INPP4B: variants seen among roughly 807,000 people sequenced by gnomAD.
INPP4B encodes inositol polyphosphate-4-phosphatase type II B.
INPP4B carries 55 observed loss-of-function variants against 122.5 expected under a neutral mutation model. The observed-to-expected ratio is 0.45, with a 90% CI of 0.36 to 0.56. The LOEUF is 0.56. Ranked by LOEUF, INPP4B falls within the 20% of genes least tolerant of loss-of-function variation. The pLI, the probability that INPP4B is intolerant of heterozygous loss-of-function variation, is 0.00. For synonymous variants in INPP4B, 403 were observed against 388.7 expected, an observed-to-expected ratio of 1.04 and a Z score of -0.43; for missense variants, 1,000 against 1,097.7, an observed-to-expected ratio of 0.91 and a Z score of 1.26.
At position 142,097,225 on chromosome 4, in the gene INPP4B, T is replaced by TGTTATTTTATTTTATTTTATTTTA. The variant is rs1553969027; in HGVS notation, c.2374+10867_2374+10868insTAAAATAAAATAAAATAAAATAAC. ...TCCATTTTTTGTTTATTTTATGTTA[T>TGTTATTTTATTTTATTTTATTTTA]TTTTATTTTATTTTATTTTATTTTA... On this transcript the variant is annotated intron_variant, in intron 23 of 25. Coordinates refer to ENST00000262992, the MANE Select transcript of INPP4B (RefSeq NM_001101669.3). Among the ~76,000 whole-genome samples, 639 of 135,542 alleles carry TGTTATTTTATTTTATTTTATTTTA rather than the reference T, an allele frequency of 4.7e-3. 15 individuals are homozygous for TGTTATTTTATTTTATTTTATTTTA. Among genetic ancestry groups the TGTTATTTTATTTTATTTTATTTTA allele is most frequent in the African/African-American group, 0.017 (614 of 35,276 alleles). The allele number at this position is 135,542 out of a possible 152,430, so 88.9% of individuals were successfully genotyped here.
At chr4:142,382,658 T>A (rs1258574740) in intron 7 of INPP4B, among the ~76,000 whole-genome samples, 1 of 101,506 alleles carries the variant, frequency 9.9e-6, no homozygotes. Flanking sequence ...TATATATATT[T>A]ATATATATAT....
intron 8 of INPP4B, among the ~76,000 whole-genome samples, chr4:142,306,975 C>A (rs1174607634): frequency 6.6e-6 from 1 of 152,136 alleles, no homozygotes; most frequent in Non-Finnish European, 1.5e-5. Flanking sequence ...AATTAATTGA[C>A]TTAAAATTCA....
chr4:142,078,410 A>T (rs1772014583), intron 25 of INPP4B, among the ~76,000 whole-genome samples: 1 of 152,064 alleles, frequency 6.6e-6, no homozygotes, highest in Non-Finnish European at 1.5e-5. Context: ...TATGCACAAT[A>T]CCACCAAATA....
At chr4:142,601,680 CA>C (rs1251606417) in intron 2 of INPP4B, among the ~76,000 whole-genome samples, 1 of 151,126 alleles carries the variant, frequency 6.6e-6, no homozygotes, top group Non-Finnish European at 1.5e-5. Context: ...TCCAAATTAG[CA>C]AAAGATAGCT....
At chr4:142,835,834 T>G (rs921048701) in intron 1 of INPP4B, among the ~76,000 whole-genome samples, 1 of 152,180 alleles carries the variant, frequency 6.6e-6, no homozygotes, top group Non-Finnish European at 1.5e-5. Context: ...AGAGCAGAGT[T>G]GTGGCCTAGA....
chr4:142,430,083 T>C (rs956952860), intron 4 of INPP4B, among the ~76,000 whole-genome samples: 4 of 152,150 alleles, frequency 2.6e-5, no homozygotes, highest in East Asian at 1.9e-4. Context: ...TTATTTTTGC[T>C]GGTGCATTCA....
chr4:142,595,720 G>A (rs1438140334), intron 2 of INPP4B, among the ~76,000 whole-genome samples: 1 of 152,176 alleles, frequency 6.6e-6, no homozygotes, highest in African/African-American at 2.4e-5. Flanking sequence ...GCAGTCATTT[G>A]AGGGAACAAA....
chr4:142,627,443 T>C (rs1179076419), intron 2 of INPP4B, among the ~76,000 whole-genome samples: 1 of 143,678 alleles, frequency 7.0e-6, no homozygotes, highest in African/African-American at 2.6e-5. Context: ...ACCTAATTTA[T>C]TGAGAGTTTT....
intron 11 of INPP4B, among the ~76,000 whole-genome samples, chr4:142,245,746 T>G (rs1198385317): frequency 1.3e-5 from 2 of 151,696 alleles, no homozygotes; most frequent in Non-Finnish European, 1.5e-5. Flanking sequence ...GAGGCCTCTA[T>G]TCTGTTCATA....
intron 5 of INPP4B, among the ~76,000 whole-genome samples, chr4:142,410,539 C>G (rs558056727): frequency 6.6e-6 from 1 of 152,304 alleles, no homozygotes; most frequent in East Asian, 1.9e-4. Context: ...CTCTACAATT[C>G]TGTACTCAAA....
In INPP4B at chr4:142,222,818, A is replaced by G. The variant is rs1849915518; in HGVS notation, c.837-13792T>C. Among the ~76,000 whole-genome samples, 3 of 152,190 alleles carry G rather than the reference A, an allele frequency of 2.0e-5. No individual in the cohort carries two copies. The South Asian group carries it at 6.2e-4, about 31-fold the overall frequency. Reference sequence around the variant, plus strand: ...TACCTATGAAGTGTGCTAGGTTTCTAAGCCAGAGGACACTAAAATAAATCA... The same window carrying G: ...TACCTATGAAGTGTGCTAGGTTTCTGAGCCAGAGGACACTAAAATAAATCA... On this transcript the variant is annotated intron_variant, in intron 12 of 25. Transcript: ENST00000262992.
chr4:142,842,619 A>G (rs940019789), intron 1 of INPP4B, among the ~76,000 whole-genome samples: 1 of 136,256 alleles, frequency 7.3e-6, no homozygotes, highest in African/African-American at 2.7e-5. Flanking sequence ...TATATAATAT[A>G]TTTATATATA....
At chr4:142,691,120 C>T (rs1760109621) in intron 2 of INPP4B, among the ~76,000 whole-genome samples, 1 of 152,116 alleles carries the variant, frequency 6.6e-6, no homozygotes, top group Non-Finnish European at 1.5e-5. Context: ...CTAAGCGCAT[C>T]TCAGCCCCCC....
rs138853942 is a variant in INPP4B, at chr4:142,779,518, T to G, written c.-253-53617A>C. On this transcript the variant is annotated intron_variant, in intron 1 of 25. Transcript: ENST00000262992. ...TCAGAAAGTTTTTCCTTCCATCCTT[T>G]CTACAAATCCATGACTCGCAGCTAT... Among the ~76,000 whole-genome samples, 377 of 152,238 alleles carry G rather than the reference T, an allele frequency of 2.5e-3. 5 individuals carry two copies. Among genetic ancestry groups the G allele is most frequent in the East Asian group, 0.019 (96 of 5,156 alleles).
At chr4:142,430,063 C>T (rs947495479) in intron 4 of INPP4B, among the ~76,000 whole-genome samples, 1 of 152,050 alleles carries the variant, frequency 6.6e-6, no homozygotes, top group Non-Finnish European at 1.5e-5. Flanking sequence ...TATACAAATC[C>T]TTTCCTTGCT....
intron 9 of INPP4B, among the ~76,000 whole-genome samples, chr4:142,274,730 A>G (rs1747551219): frequency 1.3e-5 from 2 of 151,966 alleles, no homozygotes; most frequent in African/African-American, 2.4e-5. Context: ...CTAGCAATTC[A>G]TGTAGCAATA....
chr4:142,075,638 A>C (rs1196730669), intron 25 of INPP4B, among the ~76,000 whole-genome samples: 1 of 152,020 alleles, frequency 6.6e-6, no homozygotes, highest in Non-Finnish European at 1.5e-5. Context: ...TGTTCTAAGG[A>C]AGAACAAGCA....
chr4:142,192,419 C>T (rs1404400941), intron 15 of INPP4B, among the ~76,000 whole-genome samples: 4 of 148,332 alleles, frequency 2.7e-5, no homozygotes, highest in Non-Finnish European at 5.9e-5. Context: ...CTGGATAATG[C>T]ACTTTATGTT....
chr4:142,509,217 G>A (rs1175700281), intron 2 of INPP4B, among the ~76,000 whole-genome samples: 1 of 152,160 alleles, frequency 6.6e-6, no homozygotes, highest in Non-Finnish European at 1.5e-5. Context: ...GTAGCAACGT[G>A]GACCAGTTAT....
Sources: allele counts gnomAD v4.1 joint callset (sites outside exome capture counted in the v4.1 genomes callset), GRCh38; gene constraint gnomAD v4.1.1; transcripts MANE v1.5; gene names NCBI Gene and HGNC (gene_info 2026-07-23, HGNC 2026-07-21).